The following IQSEC3 variants were observed in gnomAD, a reference collection of about 807,000 sequenced individuals.
IQSEC3 encodes the protein IQ motif and Sec7 domain ArfGEF 3.
A neutral mutation model predicts 105.4 loss-of-function variants in IQSEC3; 50 were observed. The observed-to-expected ratio is 0.47, with a 90% CI of 0.38 to 0.60. IQSEC3 has a LOEUF of 0.60. Ranked by LOEUF, IQSEC3 falls within the 20% of genes least tolerant of loss-of-function variation. The probability of loss-of-function intolerance (pLI) is 0.00; values close to 1 mark genes in which losing one functional copy is unlikely to be tolerated. For synonymous variants in IQSEC3, 708 were observed against 746.0 expected (o/e 0.95, Z 0.83); for missense variants, 1,415 against 1,630.0 (o/e 0.87, Z 2.27).
intron 2 of IQSEC3, among the ~76,000 whole-genome samples, chr12:124,858 C>T (rs781989043): frequency 1.1e-4 from 16 of 152,218 alleles, no homozygotes; most frequent in Non-Finnish European, 1.0e-4. Context: ...AAGGTGTCTT[C>T]TTAGAGTAGG....
At chr12:173,452 C>A (rs563210178) in intron 13 of IQSEC3, among the ~76,000 whole-genome samples, 5 of 152,290 alleles carry the variant, frequency 3.3e-5, no homozygotes, top group Admixed American at 1.3e-4. Flanking sequence ...CTGCAGCCAA[C>A]AAACAGGATG....
intron 7 of IQSEC3, among the ~76,000 whole-genome samples, chr12:161,201 A>T (rs1866876929): frequency 6.6e-6 from 1 of 152,236 alleles, no homozygotes; most frequent in Admixed American, 6.5e-5. Flanking sequence ...TTTCCCTCTT[A>T]TAAAAGAAGC....
intron 1 of IQSEC3, among the ~76,000 whole-genome samples, chr12:71,340 C>A (rs1439347818): frequency 6.6e-6 from 1 of 152,290 alleles, no homozygotes; most frequent in East Asian, 1.9e-4. Flanking sequence ...ATTCAAAACC[C>A]TGCACTCAGT....
chr12:125,041 AG>A (rs1865339823), intron 2 of IQSEC3, among the ~76,000 whole-genome samples: 1 of 152,136 alleles, frequency 6.6e-6, no homozygotes, highest in South Asian at 2.1e-4. Context: ...AAGCCAGGCC[AG>A]GCACCCTGCC....
intron 2 of IQSEC3, among the ~76,000 whole-genome samples, chr12:109,632 C>T (rs1864811382): frequency 6.6e-6 from 1 of 152,170 alleles, no homozygotes; most frequent in Non-Finnish European, 1.5e-5. Context: ...TCCCCCAGTT[C>T]CCGGACCCTG....
At chr12:78,609 TCTC>T (rs1445074288) in intron 1 of IQSEC3, among the ~76,000 whole-genome samples, 2 of 152,094 alleles carry the variant, frequency 1.3e-5, no homozygotes, top group African/African-American at 4.8e-5. Flanking sequence ...GGGCTGTAGG[TCTC>T]CTCAGCCTAC....
chr12:80,273 C>G (rs1441927733), intron 1 of IQSEC3, among the ~76,000 whole-genome samples: 1 of 152,188 alleles, frequency 6.6e-6, no homozygotes, highest in Non-Finnish European at 1.5e-5. Flanking sequence ...CAGCTTGGTT[C>G]ACTTTTGCTC....
chr12:166,822 A>T (rs142516289), intron 11 of IQSEC3: 30 of 152,286 alleles, frequency 2.0e-4, no homozygotes, highest in African/African-American at 7.0e-4. Flanking sequence ...ACTACACACT[A>T]AGCAGTTTAT....
At chr12:124,980 C>A (rs1423258908) in intron 2 of IQSEC3, among the ~76,000 whole-genome samples, 1 of 152,184 alleles carries the variant, frequency 6.6e-6, no homozygotes, top group Non-Finnish European at 1.5e-5. Flanking sequence ...CTCCTCTTCA[C>A]AGCCGCAGCC....
rs560571221 is a variant in IQSEC3 at position 173,485 on chromosome 12, C to T, written c.3115-1114C>T. Among the ~76,000 whole-genome samples, 182 of 152,248 alleles carry T rather than the reference C, an allele frequency of 1.2e-3. 1 individual carries two copies. Among genetic ancestry groups the T allele is most frequent in the Non-Finnish European group, 2.2e-3 (148 of 68,010 alleles). Reference sequence around the variant, plus strand: ...ATGAGGAAATGCTAGTTTAGGGCTCCGGGATAGTTCTGGGCTGGGCCAGCT... The same window carrying T: ...ATGAGGAAATGCTAGTTTAGGGCTCTGGGATAGTTCTGGGCTGGGCCAGCT... On this transcript the variant is annotated intron_variant, in intron 13 of 13. Coordinates refer to ENST00000538872, the MANE Select transcript of IQSEC3 (RefSeq NM_001170738.2).
intron 2 of IQSEC3, among the ~76,000 whole-genome samples, chr12:124,036 G>A (rs77154565): frequency 0.017 from 2,644 of 152,188 alleles, 83 homozygotes; most frequent in African/African-American, 0.059. Context: ...GCTGGGGGAC[G>A]TAATGAAATA....
chr12:70,229 C>T (rs1224231032), intron 1 of IQSEC3, among the ~76,000 whole-genome samples: 2 of 152,400 alleles, frequency 1.3e-5, no homozygotes, highest in East Asian at 1.9e-4. Context: ...CAGAACTCCT[C>T]TTCCTACCCA....
rs568839949 is a variant in IQSEC3 at position 98,934 on chromosome 12, G to A, written c.555-212G>A. On this transcript the variant is annotated intron_variant, in intron 1 of 13. Coordinates refer to ENST00000538872, the MANE Select transcript of IQSEC3 (RefSeq NM_001170738.2). The stretch of plus-strand genomic sequence containing the variant: ...ACACAGGAGGTAGCATCTGAATTGA[G>A]CCTAATGGGTGATTTAAGAGGCCTC... Among the ~76,000 whole-genome samples the A allele has an allele frequency of 5.3e-5, 8 of 152,324 alleles. No homozygotes were observed. The South Asian group carries it at 8.3e-4, about 16-fold the overall frequency.
chr12:102,157 G>A lies in IQSEC3; in HGVS notation c.623+2943G>A, dbSNP rs1287962043. 1.1e-4 allele frequency among the ~76,000 whole-genome samples: 15 copies of A among 137,824 alleles called. 1 individual carries two copies. Among genetic ancestry groups the A allele is most frequent in the Admixed American group, 6.2e-4 (8 of 12,816 alleles). 90.4% of individuals were successfully genotyped at this position (137,824 alleles called of 152,430 possible). A position where few individuals can be genotyped will look rare whatever the true frequency, so the allele number is the denominator to read the frequency against. On this transcript the variant is annotated intron_variant, in intron 2 of 13. Coordinates refer to ENST00000538872, the MANE Select transcript of IQSEC3 (RefSeq NM_001170738.2). ...AGTCTGGCTCCTCCCCCATCAGTCT[G>A]GCTCCTCCCCGTCAGTCTGGCTCCT...
Position 98,970 on chromosome 12 carries a change from A to G in IQSEC3, c.555-176A>G, listed in dbSNP as rs555394258. ...GATTTAAGAGGCCTCTGATGGACAG[A>G]GCATCGATGCTGCACTCTTGCCCAG... On this transcript the variant is annotated intron_variant, in intron 1 of 13. Coordinates refer to ENST00000538872, the MANE Select transcript of IQSEC3 (RefSeq NM_001170738.2). 2.0e-5 allele frequency among the ~76,000 whole-genome samples: 3 copies of G among 152,290 alleles called. No individual in the cohort carries two copies. In the South Asian group the frequency reaches 6.2e-4, roughly 32 times the overall value.
At chr12:161,152 C>T (rs1264238672) in intron 7 of IQSEC3, among the ~76,000 whole-genome samples, 1 of 152,174 alleles carries the variant, frequency 6.6e-6, no homozygotes, top group Admixed American at 6.5e-5. Context: ...GGGAACACTC[C>T]TTTGAGAGAT....
In IQSEC3 at chr12:152,457, CAG is replaced by C. The variant is rs1555092924; in HGVS notation, c.2154-4567_2154-4566del. Among the ~76,000 whole-genome samples the C allele has an allele frequency of 6.6e-6, 1 of 152,156 alleles. No homozygotes were observed. The highest frequency in any genetic ancestry group is 1.5e-5 in the Non-Finnish European group (1 of 68,032). ...GGGAGAGGTGAGGGAGAGGAGGGCA[CAG>C]GGGACCACCTGCCCCAGGAGATGTC... On this transcript the variant is annotated intron_variant, in intron 5 of 13. Coordinates refer to ENST00000538872, the MANE Select transcript of IQSEC3 (RefSeq NM_001170738.2). The surrounding 1 kb of genome is among the most constrained non-coding windows in gnomAD (Gnocchi z 4.8).
In IQSEC3 at chr12:165,906, C is replaced by T. The variant is rs1555098312; in HGVS notation, c.2971+16C>T. ...CGAATAGAGTGTAAGGACACGGGCTCCCGAGGCAGCTGGTGGGGGTTCCCA... is the reference window on the plus strand; with the variant it reads ...CGAATAGAGTGTAAGGACACGGGCTTCCGAGGCAGCTGGTGGGGGTTCCCA... On this transcript the variant is annotated intron_variant, in intron 11 of 13. Transcript: ENST00000538872. 1 of 1,607,582 alleles carries T rather than the reference C, an allele frequency of 6.2e-7. No individual in the cohort carries two copies.
At chr12:99,922 G>A (rs977116947) in intron 2 of IQSEC3, among the ~76,000 whole-genome samples, 3 of 151,840 alleles carry the variant, frequency 2.0e-5, no homozygotes, top group South Asian at 2.1e-4. Flanking sequence ...CTGTGCCCAC[G>A]TCGTGCTCCC....
Sources: gnomAD v4.1 joint callset for allele counts (sites outside exome capture counted in the v4.1 genomes callset) on GRCh38, gnomAD v4.1.1 for gene constraint, Gnocchi (gnomAD v3.1) non-coding constraint, MANE v1.5 for transcripts, NCBI Gene and HGNC (gene_info 2026-07-23, HGNC 2026-07-21) for gene names.